Variants in DNAH3 observed in about 807,000 individuals in gnomAD.
DNAH3 encodes the protein axonemal beta dynein heavy chain 3.
A neutral mutation model predicts 432.5 loss-of-function variants in DNAH3; 332 were observed. The observed-to-expected ratio is 0.77, with a 90% confidence interval of 0.70 to 0.84. The LOEUF (loss-of-function observed/expected upper bound fraction) is 0.84. Among genes scored for constraint, DNAH3 ranks in the 40% least tolerant of loss-of-function variants. The probability of loss-of-function intolerance (pLI) is 0.00; values close to 1 mark genes in which losing one functional copy is unlikely to be tolerated. For synonymous variants in DNAH3, 1,956 were observed against 1,900.2 expected (o/e 1.03, Z -0.76); for missense variants, 4,861 against 5,114.0 (o/e 0.95, Z 1.51).
intron 1 of DNAH3, among the ~76,000 whole-genome samples, chr16:21,146,560 T>C (rs1238963327): frequency 6.6e-6 from 1 of 152,188 alleles, no homozygotes; most frequent in Non-Finnish European, 1.5e-5. Flanking sequence ...TGACTAAATC[T>C]AATTATCATA....
chr16:20,975,094 G>T, intron 51 of DNAH3, 139 bp downstream of exon 51: 1 of 963,358 alleles, frequency 1.0e-6, no homozygotes, highest in Admixed American at 2.5e-5. Context: ...GTCTCCCAAA[G>T]TGCTGGGATT....
At chr16:21,005,351 CCT>C (rs1175753206) in intron 41 of DNAH3, among the ~76,000 whole-genome samples, 2 of 138,918 alleles carry the variant, frequency 1.4e-5, no homozygotes, top group African/African-American at 2.6e-5. Flanking sequence ...TTCCTTCCTT[CCT>C]CTCTTTCATT....
chr16:21,064,507 G>A (rs971266639), intron 24 of DNAH3, among the ~76,000 whole-genome samples: 7 of 152,136 alleles, frequency 4.6e-5, no homozygotes, highest in Admixed American at 6.5e-5. Context: ...CAAAGCAAAC[G>A]AATACACTGT....
chr16:20,983,108 C>G (rs910543491), intron 48 of DNAH3, among the ~76,000 whole-genome samples: 4 of 151,784 alleles, frequency 2.6e-5, no homozygotes, highest in African/African-American at 9.7e-5. Context: ...ACAATAGCCC[C>G]TTTTTAAAAA....
chr16:21,128,684 A>T (rs983660158), intron 7 of DNAH3, among the ~76,000 whole-genome samples: 5 of 98,232 alleles, frequency 5.1e-5, no homozygotes, highest in Non-Finnish European at 7.8e-5. Flanking sequence ...ACAGAGCGAG[A>T]CTCGTCTAAA....
chr16:20,995,379 C>T (rs544635023), intron 44 of DNAH3, among the ~76,000 whole-genome samples: 1 of 151,808 alleles, frequency 6.6e-6, no homozygotes, highest in South Asian at 2.1e-4. Flanking sequence ...AATTCTTGTG[C>T]TTCAGCCTCC....
Position 21,060,670 on chromosome 16 carries a change from G to A in DNAH3, c.3721-314C>T, listed in dbSNP as rs545140206. Among the ~76,000 whole-genome samples, 8 of 150,248 alleles carry A rather than the reference G, an allele frequency of 5.3e-5. No homozygotes were observed. The East Asian group carries it at 1.2e-3, about 22-fold the overall frequency. On this transcript the variant is annotated intron_variant, in intron 25 of 61. Transcript: ENST00000261383. ...CTCCCGAGTAGCTGGGATTACAGGC[G>A]TGCACCACCACCGCGGCTGATGAAT...
At position 20,933,361 on chromosome 16, in the gene DNAH3, G is replaced by A. The variant is rs377301392; in HGVS notation, c.12144C>T (p.Ile4048=). 7 of 1,614,122 alleles carry A rather than the reference G, an allele frequency of 4.3e-6. No individual in the cohort carries two copies. The African/African-American group carries it at 8.0e-5, about 18-fold the overall frequency. Residue 4048 remains isoleucine (I), a synonymous_variant, in exon 62 of 62, where the codon ATC becomes ATT. Coordinates refer to ENST00000261383, the Ensembl canonical transcript of DNAH3. ...CGCTCTCCCCAGGTTTCAGCCAAAT[G>A]ATGGGCAGTGGGTCATAGAGGATTT...
At position 21,062,400 on chromosome 16, in the gene DNAH3, C is replaced by T. The variant is rs140664842; in HGVS notation, c.3720+82G>A. ...GTTCCATACCCCAGGCAGTCTGGTG[C>T]TTAGTCCCAGTGCTTAGCCAATACG... On this transcript the variant is annotated intron_variant, in intron 25 of 61. Transcript: ENST00000261383. The T allele has an allele frequency of 3.7e-5, 43 of 1,156,452 alleles. No individual in the cohort carries two copies. The African/African-American group carries it at 5.0e-4, about 13-fold the overall frequency. The allele number at this position is 1,156,452 out of a possible 1,614,324, so 71.6% of individuals were successfully genotyped here.
intron 56 of DNAH3, 110 bp from the exon 57 acceptor site, chr16:20,948,747 A>G (rs2084173517): frequency 8.3e-7 from 1 of 1,210,894 alleles, no homozygotes; most frequent in Admixed American, 2.1e-5. Context: ...GCTGGGACAT[A>G]GTGATAGGGA....
At chr16:21,115,765 T>A (rs1044431493) in intron 12 of DNAH3, among the ~76,000 whole-genome samples, 175 of 149,402 alleles carry the variant, frequency 1.2e-3, no homozygotes, top group African/African-American at 4.1e-3. Flanking sequence ...ATAAAATAAA[T>A]AAAATAAAAT....
At chr16:21,036,995 TA>T in intron 34 of DNAH3, 147 bp from the exon 35 acceptor site, 3 of 661,296 alleles carry the variant, frequency 4.5e-6, no homozygotes, top group Admixed American at 3.0e-5. Context: ...TTTCTACAAT[TA>T]CAAATGAAAA....
chr16:21,108,253 T>C (rs2091992379), intron 14 of DNAH3, among the ~76,000 whole-genome samples: 1 of 152,236 alleles, frequency 6.6e-6, no homozygotes, highest in South Asian at 2.1e-4. Context: ...CTGGGGTGTC[T>C]GCATTCTTAG....
intron 54 of DNAH3, among the ~76,000 whole-genome samples, chr16:20,955,997 G>A (rs896493608): frequency 1.3e-5 from 2 of 151,262 alleles, no homozygotes; most frequent in South Asian, 2.1e-4. Flanking sequence ...GGTGCATCTC[G>A]GCTCACTGCA....
chr16:21,118,774 C>A (rs571250409), intron 11 of DNAH3, among the ~76,000 whole-genome samples: 1 of 152,254 alleles, frequency 6.6e-6, no homozygotes, highest in East Asian at 1.9e-4. Context: ...AGGCTTGAGT[C>A]TCCACGTCTA....
intron 55 of DNAH3, among the ~76,000 whole-genome samples, chr16:20,953,735 CTATTT>C (rs908410862): frequency 6.6e-5 from 10 of 151,816 alleles, no homozygotes; most frequent in Non-Finnish European, 8.8e-5. Flanking sequence ...CTATGTCAGG[CTATTT>C]TATTTATTTT....
chr16:21,003,236 T>C (rs2087117367), intron 41 of DNAH3, 29 bp from the exon 42 acceptor site: 1 of 1,492,016 alleles, frequency 6.7e-7, no homozygotes, highest in Admixed American at 1.9e-5. Context: ...AACAGATCAT[T>C]AGCACATGAA....
intron 14 of DNAH3, among the ~76,000 whole-genome samples, chr16:21,107,728 G>A (rs2091979860): frequency 6.6e-6 from 1 of 152,176 alleles, no homozygotes; most frequent in South Asian, 2.1e-4. Context: ...AAAAGCAAAT[G>A]ACTGACGGTC....
intron 15 of DNAH3, 55 bp from the exon 16 acceptor site, chr16:21,104,649 C>G: frequency 9.5e-7 from 1 of 1,053,988 alleles, no homozygotes; most frequent in Non-Finnish European, 1.5e-6. Context: ...GTCGGGTCAG[C>G]ATGTGGCGAA....
Sources: gnomAD v4.1 joint callset for allele counts (sites outside exome capture counted in the v4.1 genomes callset) on GRCh38, gnomAD v4.1.1 for gene constraint, MANE v1.5 for transcripts, NCBI Gene and HGNC (gene_info 2026-07-23, HGNC 2026-07-21) for gene names.